The following CUBN variants were observed in gnomAD, a reference collection of about 807,000 sequenced individuals.
CUBN encodes 460 kDa receptor.
CUBN carries 282 observed loss-of-function variants against 405.3 expected under a neutral mutation model. The ratio of observed to expected loss-of-function variants is 0.70; its 90% CI spans 0.63 to 0.77. CUBN has a LOEUF of 0.77. Ranked by LOEUF, CUBN falls within the 30% of genes least tolerant of loss-of-function variation. The probability of loss-of-function intolerance (pLI) is 0.00; values close to 1 mark genes in which losing one functional copy is unlikely to be tolerated. For missense variants in CUBN, 4,514 were observed against 4,475.2 expected (o/e 1.01, Z -0.25); for synonymous variants, 1,684 against 1,617.0 (o/e 1.04, Z -0.99).
intron 12 of CUBN, among the ~76,000 whole-genome samples, chr10:17,103,921 G>A (rs1041885266): frequency 6.6e-6 from 1 of 152,170 alleles, no homozygotes; most frequent in Non-Finnish European, 1.5e-5. Flanking sequence ...AAACTTGCTT[G>A]AGTGAAGTTA....
intron 28 of CUBN, among the ~76,000 whole-genome samples, chr10:16,993,011 G>T (rs45626432): frequency 6.6e-6 from 1 of 152,272 alleles, no homozygotes; most frequent in South Asian, 2.1e-4. Context: ...CCGCTCACAG[G>T]ACATTCTATA....
chr10:17,072,309 CGT>C, intron 17 of CUBN, among the ~76,000 whole-genome samples: 1 of 152,136 alleles, frequency 6.6e-6, no homozygotes, highest in East Asian at 1.9e-4. Context: ...AAAAAATACA[CGT>C]GTTAGCCAAA....
At chr10:16,850,122 A>G (rs1839641999) in intron 60 of CUBN, among the ~76,000 whole-genome samples, 1 of 152,158 alleles carries the variant, frequency 6.6e-6, no homozygotes, top group Non-Finnish European at 1.5e-5. Context: ...CCCTCGCTCT[A>G]TCAAGTCATT....
chr10:16,915,293 C>T (rs563287672), intron 46 of CUBN, 121 bp from the exon 47 acceptor site: 81 of 1,148,386 alleles, frequency 7.1e-5, no homozygotes, highest in South Asian at 6.5e-4. Flanking sequence ...TATGAAGAAA[C>T]GTTAATCTCT....
At chr10:17,077,969 T>C (rs1835886584) in intron 17 of CUBN, among the ~76,000 whole-genome samples, 1 of 152,196 alleles carries the variant, frequency 6.6e-6, no homozygotes, top group South Asian at 2.1e-4. Flanking sequence ...AGATCTGATA[T>C]TCTAAAATCA....
At chr10:17,049,306 T>C (rs1285708956) in intron 22 of CUBN, among the ~76,000 whole-genome samples, 3 of 152,216 alleles carry the variant, frequency 2.0e-5, no homozygotes, top group Admixed American at 6.5e-5. Flanking sequence ...GACAGACTCA[T>C]TGACCCACAC....
chr10:17,016,035 C>A (rs1429850079), intron 28 of CUBN, among the ~76,000 whole-genome samples: 4 of 152,130 alleles, frequency 2.6e-5, no homozygotes, highest in Admixed American at 2.6e-4. Context: ...TGTTCAGGAC[C>A]CAGGGCTCGC....
At chr10:17,120,464 C>G (rs927550755) in intron 6 of CUBN, among the ~76,000 whole-genome samples, 5 of 152,194 alleles carry the variant, frequency 3.3e-5, no homozygotes, top group African/African-American at 1.2e-4. Flanking sequence ...AGGGCAGAGT[C>G]TAGGAATCAA....
chr10:16,947,817 A>G (rs1167482569), intron 35 of CUBN, among the ~76,000 whole-genome samples: 2 of 152,214 alleles, frequency 1.3e-5, no homozygotes, highest in African/African-American at 4.8e-5. Context: ...GATGGCAGTG[A>G]CCAACAGCAC....
At chr10:17,015,584 T>G (rs1834305236) in intron 28 of CUBN, among the ~76,000 whole-genome samples, 1 of 152,096 alleles carries the variant, frequency 6.6e-6, no homozygotes, top group Admixed American at 6.6e-5. Context: ...CAGGAGGAAG[T>G]CAATTTCCTG....
At chr10:16,965,824 A>C in intron 31 of CUBN, 1 of 358,080 alleles carries the variant, frequency 2.8e-6, no homozygotes, top group Non-Finnish European at 5.6e-6. Flanking sequence ...AGGTACTTAA[A>C]TACATTTGTT....
chr10:17,048,403 A>G (rs561171007), intron 22 of CUBN, among the ~76,000 whole-genome samples: 1 of 152,326 alleles, frequency 6.6e-6, no homozygotes, highest in East Asian at 1.9e-4. Context: ...TTCTGTGTTT[A>G]TTACCACCCA....
At chr10:16,883,056 G>GA (rs1363886726) in intron 56 of CUBN, among the ~76,000 whole-genome samples, 1 of 151,282 alleles carries the variant, frequency 6.6e-6, no homozygotes, top group Non-Finnish European at 1.5e-5. Context: ...AAGAAGGAAG[G>GA]AAGGAAAGGA....
intron 22 of CUBN, among the ~76,000 whole-genome samples, chr10:17,055,594 A>C (rs988828751): frequency 2.0e-5 from 3 of 152,142 alleles, no homozygotes; most frequent in Non-Finnish European, 4.4e-5. Flanking sequence ...ATGTATACAA[A>C]AATCCATTTA....
At chr10:16,846,071 A>AT (rs1484819959) in intron 60 of CUBN, among the ~76,000 whole-genome samples, 27 of 152,222 alleles carry the variant, frequency 1.8e-4, no homozygotes, top group Admixed American at 6.5e-5. Context: ...ACCTAAGTCC[A>AT]TTTTATATAT....
intron 15 of CUBN, among the ~76,000 whole-genome samples, chr10:17,087,067 T>C (rs1564510125): frequency 1.3e-5 from 2 of 152,234 alleles, no homozygotes; most frequent in Non-Finnish European, 2.9e-5. Flanking sequence ...GCTGAATTAC[T>C]AATGACTTTT....
At chr10:16,869,997 AC>A (rs1391697296) in intron 58 of CUBN, 144 bp from the exon 59 acceptor site, 21 of 706,036 alleles carry the variant, frequency 3.0e-5, no homozygotes, top group Middle Eastern at 7.0e-4. Context: ...TAGAAATCAA[AC>A]AGTACTTTAC....
chr10:17,115,014 C>T (rs567168889), intron 7 of CUBN, among the ~76,000 whole-genome samples: 5 of 152,182 alleles, frequency 3.3e-5, no homozygotes, highest in South Asian at 2.1e-4. Flanking sequence ...GGGGCTGAGG[C>T]GGGTGGATCA....
At chr10:16,827,362 T>C (rs1384489389) in intron 66 of CUBN, among the ~76,000 whole-genome samples, 1 of 152,206 alleles carries the variant, frequency 6.6e-6, no homozygotes, top group East Asian at 1.9e-4. Flanking sequence ...TGCAAATATA[T>C]TCAAAGAAAG....
Sources: allele counts gnomAD v4.1 joint callset (sites outside exome capture counted in the v4.1 genomes callset), GRCh38; gene constraint gnomAD v4.1.1; transcripts MANE v1.5; gene names NCBI Gene and HGNC (gene_info 2026-07-23, HGNC 2026-07-21).